EPHB1: variants seen among roughly 807,000 people sequenced by gnomAD.
EPHB1 encodes the protein ephrin type-B receptor 1.
A neutral mutation model predicts 94.4 loss-of-function variants in EPHB1; 30 were observed. That is an observed-to-expected ratio of 0.32 (90% CI 0.24 to 0.43). The LOEUF (loss-of-function observed/expected upper bound fraction) is 0.43, where lower values mean the gene tolerates loss of function less well. Among genes scored for constraint, EPHB1 ranks in the 20% least tolerant of loss-of-function variants. EPHB1 has a pLI of 1.00. For missense variants in EPHB1, 1,055 were observed against 1,308.3 expected (o/e 0.81, Z 2.99); for synonymous variants, 522 against 489.1 (o/e 1.07, Z -0.89).
Position 135,259,127 on chromosome 3 carries a change from T to C in EPHB1, c.*7T>C. On this transcript the variant is annotated 3_prime_UTR_variant, in exon 16 of 16. Transcript: ENST00000398015. ...ACCAACGGCAATGGCATGAGAACTC[T>C]TGTTTCTTGGGGAAGGAGAGGAGGG... 1 of 1,597,878 alleles carries C rather than the reference T, an allele frequency of 6.3e-7. No homozygotes were observed. The highest frequency in any genetic ancestry group is 8.5e-7 in the Non-Finnish European group (1 of 1,170,452).
intron 10 of EPHB1, among the ~76,000 whole-genome samples, chr3:135,184,569 T>C (rs1426355694): frequency 6.6e-6 from 1 of 152,156 alleles, no homozygotes; most frequent in Non-Finnish European, 1.5e-5. Flanking sequence ...CAATTAAATA[T>C]TTGTTGTATA....
chr3:135,029,956 C>T (rs1326445465), intron 3 of EPHB1, among the ~76,000 whole-genome samples: 5 of 151,316 alleles, frequency 3.3e-5, no homozygotes, highest in South Asian at 2.1e-4. Flanking sequence ...CTTCCCTTCT[C>T]GCTTCATTTC....
chr3:134,900,904 C>A (rs1052880455), intron 1 of EPHB1, among the ~76,000 whole-genome samples: 2 of 152,112 alleles, frequency 1.3e-5, no homozygotes, highest in Non-Finnish European at 2.9e-5. Flanking sequence ...TTTATGTCCT[C>A]ACATAGCATA....
intron 5 of EPHB1, among the ~76,000 whole-genome samples, chr3:135,139,858 G>T (rs1456587718): frequency 6.6e-6 from 1 of 152,238 alleles, no homozygotes; most frequent in Non-Finnish European, 1.5e-5. Context: ...CAACAGACCA[G>T]TTTGAATGAA....
rs79280497 is a variant in EPHB1, at chr3:134,906,715, A to C, written c.59-19101A>C. 7.8e-3 allele frequency among the ~76,000 whole-genome samples: 1,193 copies of C among 152,378 alleles called. 7 individuals are homozygous for C. Among genetic ancestry groups the C allele is most frequent in the Non-Finnish European group, 0.012 (832 of 68,040 alleles). ...AGTTTGCCAGCCGCCAGAGCAGACC[A>C]TCATAACACTTATCAGAGCAGCCAG... On this transcript the variant is annotated intron_variant, in intron 1 of 15. Coordinates refer to ENST00000398015, the MANE Select transcript of EPHB1 (RefSeq NM_004441.5).
Position 134,951,989 on chromosome 3 carries a change from G to A in EPHB1, c.742G>A (p.Val248Met). The A allele has an allele frequency of 6.2e-7, 1 of 1,614,004 alleles. No homozygotes were observed. The highest frequency in any genetic ancestry group is 8.5e-7 in the Non-Finnish European group (1 of 1,179,894). ...CTGCAACGGGGATGGGGAATGGATG[G>A]TGCCTATTGGGCGATGCACCTGCAA... ...LYCNGDGEWM[V>M]PIGRCTCKPG... The change falls in exon 3 of 16, where the codon GTG (valine) becomes ATG (methionine). Residue 248 changes from valine to methionine, a missense_variant. Physicochemically the swap from Val to Met is conservative, Grantham distance 21. Transcript: ENST00000398015. The surrounding 1 kb of genome is among the most constrained non-coding windows in gnomAD (Gnocchi z 4.5).
intron 9 of EPHB1, among the ~76,000 whole-genome samples, chr3:135,178,333 A>G (rs113535122): frequency 4.6e-5 from 7 of 151,522 alleles, no homozygotes; most frequent in Non-Finnish European, 8.8e-5. Context: ...GTGCATGCCT[A>G]TAATCCCAGC....
intron 3 of EPHB1, among the ~76,000 whole-genome samples, chr3:135,001,353 G>A (rs543005161): frequency 2.6e-5 from 4 of 152,274 alleles, no homozygotes; most frequent in South Asian, 4.2e-4. Flanking sequence ...TGGCAGTGGC[G>A]ATGTGTCCAG....
chr3:135,241,359 C>T, intron 13 of EPHB1, 62 bp downstream of exon 13: 1 of 1,595,380 alleles, frequency 6.3e-7, no homozygotes, highest in Non-Finnish European at 8.6e-7. Flanking sequence ...AAGGCAGTAG[C>T]ATACCAATTC....
chr3:134,861,543 A>G (rs1260489499), intron 1 of EPHB1, among the ~76,000 whole-genome samples: 1 of 152,214 alleles, frequency 6.6e-6, no homozygotes, highest in Non-Finnish European at 1.5e-5. Context: ...AAGGAAAGTC[A>G]TGCCAGCTTC....
At chr3:135,103,526 A>T (rs1379262144) in intron 3 of EPHB1, among the ~76,000 whole-genome samples, 2 of 152,194 alleles carry the variant, frequency 1.3e-5, no homozygotes, top group Non-Finnish European at 2.9e-5. Flanking sequence ...GATGCTAGCG[A>T]CATTTCATAT....
intron 4 of EPHB1, among the ~76,000 whole-genome samples, chr3:135,132,084 A>C (rs921198146): frequency 1.4e-4 from 21 of 152,284 alleles, no homozygotes; most frequent in Admixed American, 2.6e-4. Flanking sequence ...TTCTTACGTC[A>C]TGGGGCCCAA....
chr3:134,917,465 C>G (rs558912112), intron 1 of EPHB1, among the ~76,000 whole-genome samples: 1 of 152,222 alleles, frequency 6.6e-6, no homozygotes, highest in Non-Finnish European at 1.5e-5. Flanking sequence ...CACGTGTGAA[C>G]CAAGACCTAA....
In EPHB1 at chr3:135,220,049, C is replaced by T. The variant is rs146008753; in HGVS notation, c.2346+18360C>T. ...AGGCAAGAGTTTTTTTCTAAAGACC[C>T]TGGTAGCTCAAAACCAGCACTATCA... On this transcript the variant is annotated intron_variant, in intron 12 of 15. Transcript: ENST00000398015. 4.6e-5 allele frequency among the ~76,000 whole-genome samples: 7 copies of T among 152,282 alleles called. No homozygotes were observed. The East Asian group carries it at 1.2e-3, about 25-fold the overall frequency.
At chr3:135,013,967 C>A (rs1162440892) in intron 3 of EPHB1, among the ~76,000 whole-genome samples, 1 of 152,120 alleles carries the variant, frequency 6.6e-6, no homozygotes, top group African/African-American at 2.4e-5. Context: ...AAACACTACC[C>A]ACAATCCAAA....
chr3:134,824,623 T>C (rs944664603), intron 1 of EPHB1, among the ~76,000 whole-genome samples: 8 of 152,192 alleles, frequency 5.3e-5, no homozygotes, highest in African/African-American at 1.9e-4. Context: ...CTTGATGACT[T>C]GCTTGACCAG....
intron 2 of EPHB1, among the ~76,000 whole-genome samples, chr3:134,945,878 G>A (rs2107711860): frequency 6.6e-6 from 1 of 152,292 alleles, no homozygotes; most frequent in African/African-American, 2.4e-5. Flanking sequence ...AAGAAATTTG[G>A]CCCTGAATAG....
chr3:134,797,848 A>G, intron 1 of EPHB1, among the ~76,000 whole-genome samples: 1 of 152,188 alleles, frequency 6.6e-6, no homozygotes, highest in East Asian at 1.9e-4. Flanking sequence ...GAAACGCGAC[A>G]TTCAGCAGAA....
intron 3 of EPHB1, among the ~76,000 whole-genome samples, chr3:135,051,347 C>T (rs1344121183): frequency 6.6e-6 from 1 of 152,184 alleles, no homozygotes; most frequent in Non-Finnish European, 1.5e-5. Context: ...TGGGTGCTGA[C>T]CACCTTCCAA....
Sources: allele counts gnomAD v4.1 joint callset (sites outside exome capture counted in the v4.1 genomes callset), GRCh38; gene constraint gnomAD v4.1.1; non-coding constraint Gnocchi (gnomAD v3.1); transcripts MANE v1.5; gene names NCBI Gene and HGNC (gene_info 2026-07-23, HGNC 2026-07-21).